The following SFXN5 variants were observed in gnomAD, a reference collection of about 807,000 sequenced individuals.
SFXN5 encodes the protein sideroflexin-5.
Under a neutral mutation model 50.2 loss-of-function variants are expected in SFXN5, and 43 were observed. The observed-to-expected ratio is 0.86, with a 90% CI of 0.67 to 1.11. The LOEUF (loss-of-function observed/expected upper bound fraction) is 1.11, where lower values mean the gene tolerates loss of function less well. Ranked by LOEUF, SFXN5 falls within the 50% of genes least tolerant of loss-of-function variation. SFXN5 has a pLI of 0.00. For synonymous variants in SFXN5, 203 were observed against 185.8 expected (o/e 1.09, Z -0.75); for missense variants, 463 against 454.1 (o/e 1.02, Z -0.18).
rs559190518 is a variant in SFXN5 at position 73,026,134 on chromosome 2, TTTTC to T, written c.250-2924_250-2921del. Among the ~76,000 whole-genome samples the T allele has an allele frequency of 4.3e-3, 629 of 146,078 alleles. 39 individuals carry two copies. The highest frequency in any genetic ancestry group is 0.015 in the African/African-American group (559 of 37,554). On this transcript the variant is annotated intron_variant, in intron 3 of 13. Coordinates refer to ENST00000272433, the MANE Select transcript of SFXN5 (RefSeq NM_144579.3). ...CTAATGCTGTGTGGCTGCTTTTTTT[TTTTC>T]TTTTTTTGAGACAGAGTCTTGCTCT...
chr2:73,014,984 A>G (rs1022801442), intron 6 of SFXN5, among the ~76,000 whole-genome samples: 3 of 152,140 alleles, frequency 2.0e-5, no homozygotes, highest in Non-Finnish European at 2.9e-5. Flanking sequence ...TTCCAGGAAA[A>G]TGTTAGATAG....
chr2:73,047,300 A>AAAAT (rs1559200173), intron 2 of SFXN5, among the ~76,000 whole-genome samples: 2 of 103,854 alleles, frequency 1.9e-5, no homozygotes, highest in East Asian at 3.0e-4. Flanking sequence ...ATATATATAA[A>AAAAT]ATATATATGT....
chr2:72,991,555 C>T (rs940148969), intron 9 of SFXN5, among the ~76,000 whole-genome samples: 3 of 152,248 alleles, frequency 2.0e-5, no homozygotes, highest in Non-Finnish European at 4.4e-5. Context: ...CTTACCCTCA[C>T]CCCTTCCCAG....
intron 3 of SFXN5, among the ~76,000 whole-genome samples, chr2:73,028,875 G>C (rs985181344): frequency 6.6e-6 from 1 of 152,204 alleles, no homozygotes; most frequent in East Asian, 1.9e-4. Flanking sequence ...CAATGAAAAA[G>C]AGGGAGGGGA....
intron 1 of SFXN5, chr2:73,059,048 G>C (rs901950037): frequency 1.0e-6 from 1 of 996,636 alleles, no homozygotes; most frequent in Non-Finnish European, 1.2e-6. Flanking sequence ...TCTGCCTCCA[G>C]GGGGGATCCC....
chr2:73,021,492 A>C (rs1676883496), intron 5 of SFXN5, among the ~76,000 whole-genome samples: 1 of 152,190 alleles, frequency 6.6e-6, no homozygotes, highest in African/African-American at 2.4e-5. Context: ...TCAAATAAAA[A>C]GAAAGAAAAA....
chr2:72,959,730 C>G (rs1673498624), intron 13 of SFXN5, among the ~76,000 whole-genome samples: 1 of 152,148 alleles, frequency 6.6e-6, no homozygotes, highest in Non-Finnish European at 1.5e-5. Flanking sequence ...ATAGACTTTC[C>G]CAAAATCGTC....
At chr2:72,983,801 G>GT (rs1008673479) in intron 10 of SFXN5, among the ~76,000 whole-genome samples, 7 of 152,156 alleles carry the variant, frequency 4.6e-5, no homozygotes, top group African/African-American at 1.7e-4. Flanking sequence ...CTTCCTGCTG[G>GT]TAACTGCTCC....
At chr2:72,951,422 AG>A (rs1197378267) in intron 13 of SFXN5, among the ~76,000 whole-genome samples, 1 of 152,098 alleles carries the variant, frequency 6.6e-6, no homozygotes, top group Non-Finnish European at 1.5e-5. Context: ...TGGTGTGGGA[AG>A]GGTTAACCTT....
intron 1 of SFXN5, chr2:73,059,342 T>G (rs1414594792): frequency 2.9e-5 from 29 of 985,276 alleles, no homozygotes; most frequent in Non-Finnish European, 3.5e-5. Context: ...AGCTCGGGGA[T>G]GAAGGGGAAG....
chr2:73,056,234 T>C (rs781098217), intron 2 of SFXN5, among the ~76,000 whole-genome samples: 7 of 152,214 alleles, frequency 4.6e-5, no homozygotes, highest in Admixed American at 1.3e-4. Flanking sequence ...TCCGTCAAAT[T>C]AGCCTGTTGT....
intron 2 of SFXN5, among the ~76,000 whole-genome samples, chr2:73,055,923 T>G (rs1030022239): frequency 6.6e-6 from 1 of 152,188 alleles, no homozygotes; most frequent in East Asian, 1.9e-4. Context: ...GTGAATGTCT[T>G]GAGGCCAGGA....
chr2:73,027,067 TA>T lies in SFXN5; in HGVS notation c.250-3854del, dbSNP rs34398196. On this transcript the variant is annotated intron_variant, in intron 3 of 13. Transcript: ENST00000272433. ...AGAGTGTATACCTTCTATTTATATT[TA>T]AAAAAAAAAAGTTAACTGTTAAACA... Among the ~76,000 whole-genome samples, 417 of 149,114 alleles carry T rather than the reference TA, an allele frequency of 2.8e-3. 1 individual carries two copies. The highest frequency in any genetic ancestry group is 1.0e-2 in the African/African-American group (405 of 40,584).
intron 2 of SFXN5, among the ~76,000 whole-genome samples, chr2:73,057,671 C>T (rs890013895): frequency 6.6e-6 from 1 of 152,106 alleles, no homozygotes. Context: ...GTGTCCCCAC[C>T]CAAACCTCAT....
intron 1 of SFXN5, among the ~76,000 whole-genome samples, chr2:73,060,678 G>A (rs928664463): frequency 2.0e-5 from 3 of 151,474 alleles, no homozygotes; most frequent in Non-Finnish European, 2.9e-5. Context: ...ACTACACTGC[G>A]GTTATATAAG....
At position 72,945,032 on chromosome 2, in the gene SFXN5, T is replaced by C. The variant is rs1279430698; in HGVS notation, c.1013A>G (p.Lys338Arg). 1 of 1,613,824 alleles carries C rather than the reference T, an allele frequency of 6.2e-7. No individual in the cohort carries two copies. Among genetic ancestry groups the C allele is most frequent in the Admixed American group, 1.7e-5 (1 of 59,986 alleles). Residue 338 changes from lysine (K) to arginine (R), a missense_variant, in exon 14 of 14, where the codon AAG (lysine) becomes AGG (arginine). Transcript: ENST00000272433. The surrounding 1 kb of genome is among the most constrained non-coding windows in gnomAD (Gnocchi z 5.8). ...ATSSRTVVYNKGL is the reference protein window; with the variant it reads ...ATSSRTVVYNRGL ...GGCCGCTGACCACACTCACAACCCC[T>C]TGTTGTACACCACTGTCCGGCTGCT...
Position 73,022,551 on chromosome 2 carries a change from T to C in SFXN5, c.302A>G (p.Glu101Gly). The C allele has an allele frequency of 6.2e-7, 1 of 1,607,332 alleles. No individual in the cohort carries two copies. The highest frequency in any genetic ancestry group is 8.5e-7 in the Non-Finnish European group (1 of 1,178,104). Residue 101 changes from glutamate (E) to glycine (G), a missense_variant, in exon 5 of 14, where the codon GAG becomes GGG. Glu to Gly is a moderately conservative substitution (Grantham distance 98). Coordinates refer to ENST00000272433, the MANE Select transcript of SFXN5 (RefSeq NM_144579.3). Reference sequence around the variant, plus strand: ...CATTCTAAATGGCATGAAGATCTTCTCATTGGTGTCCGGATGTAGAATAGC... The same window carrying C: ...CATTCTAAATGGCATGAAGATCTTCCCATTGGTGTCCGGATGTAGAATAGC... Reference protein sequence around the residue: ...KQAILHPDTNEKIFMPFRMSG... With the variant: ...KQAILHPDTNGKIFMPFRMSG...
chr2:73,043,749 C>T (rs1679946714), intron 2 of SFXN5, among the ~76,000 whole-genome samples: 1 of 152,020 alleles, frequency 6.6e-6, no homozygotes, highest in Non-Finnish European at 1.5e-5. Flanking sequence ...AAGAAAATAT[C>T]AGAACAAAAA....
At chr2:73,022,672 A>AG (rs1363402002) in intron 4 of SFXN5, 96 bp from the exon 5 acceptor site, 3 of 754,600 alleles carry the variant, frequency 4.0e-6, no homozygotes, top group African/African-American at 3.5e-5. Flanking sequence ...CAGAGGCATT[A>AG]GGGGAGGAAG....
Sources: allele counts gnomAD v4.1 joint callset (sites outside exome capture counted in the v4.1 genomes callset), GRCh38; gene constraint gnomAD v4.1.1; non-coding constraint Gnocchi (gnomAD v3.1); transcripts MANE v1.5; gene names NCBI Gene and HGNC (gene_info 2026-07-23, HGNC 2026-07-21).